RAD52: variants seen among roughly 807,000 people sequenced by gnomAD.
RAD52 encodes DNA repair protein RAD52 homolog.
A neutral mutation model predicts 55.5 loss-of-function variants in RAD52; 47 were observed. That is an observed-to-expected ratio of 0.85 (90% CI 0.67 to 1.08). The LOEUF is 1.08. RAD52 is among the 50% of genes least tolerant of loss of function. The pLI, the probability that RAD52 is intolerant of heterozygous loss-of-function variation, is 0.00. For missense variants in RAD52, 468 were observed against 522.8 expected, an observed-to-expected ratio of 0.90 and a Z score of 1.02; for synonymous variants, 184 against 198.9, an observed-to-expected ratio of 0.92 and a Z score of 0.63.
chr12:988,110 A>C (rs977831381), intron 1 of RAD52, among the ~76,000 whole-genome samples: 1 of 152,160 alleles, frequency 6.6e-6, no homozygotes, highest in Non-Finnish European at 1.5e-5. Flanking sequence ...ATAGCTAGGA[A>C]CACAGGTGCG....
In RAD52 at chr12:916,791, C is replaced by A. The variant is rs1027580018; in HGVS notation, c.573G>T (p.Ala191=). The change falls in exon 8 of 12, where the codon GCG becomes GCT. Residue 191 remains alanine, a synonymous_variant. Coordinates refer to ENST00000358495, the MANE Select transcript of RAD52 (RefSeq NM_134424.4). ...QLPLEVDLTK[A]KRQDLEPSVE... Reference sequence around the variant, plus strand: ...CAGACGGTTCAAGATCTTGTCTCTTCGCTTTAGTTAAATCCACTTCAAGAG... The same window carrying A: ...CAGACGGTTCAAGATCTTGTCTCTTAGCTTTAGTTAAATCCACTTCAAGAG... 6.2e-7 allele frequency: 1 copy of A among 1,611,904 alleles called. No individual in the cohort carries two copies.
At chr12:949,817 C>CAAAGCCTTCTGCGGCAGCCGT (rs1356416495), upstream of RAD52, 2 of 152,170 alleles carry the variant, frequency 1.3e-5, no homozygotes, top group African/African-American at 4.8e-5. Flanking sequence ...AAAAGAGCCG[C>CAAAGCCTTCTGCGGCAGCCGT]AAAGCCTTCT....
In RAD52 at chr12:914,447, C is replaced by G; in HGVS notation, c.951G>C (p.Val317=). 1 of 1,613,930 alleles carries G rather than the reference C, an allele frequency of 6.2e-7. No homozygotes were observed. The highest frequency in any genetic ancestry group is 1.1e-5 in the South Asian group (1 of 91,050). ...PLLEKDFLAG[V]TQELIKTLED... Reference sequence around the variant, plus strand: ...GGTATTTACTGATTAATTCTTGAGTCACTCCTGCAAGGAAGTCTTTCTCCA... The same window carrying G: ...GGTATTTACTGATTAATTCTTGAGTGACTCCTGCAAGGAAGTCTTTCTCCA... The change falls in exon 10 of 12, where the codon GTG becomes GTC. Residue 317 remains valine, a synonymous_variant. Transcript: ENST00000358495.
chr12:988,875 A>G (rs937511809), intron 1 of RAD52, among the ~76,000 whole-genome samples: 1 of 151,484 alleles, frequency 6.6e-6, no homozygotes, highest in Non-Finnish European at 1.5e-5. Flanking sequence ...TCCCAATACT[A>G]TCACACTGGG....
Position 924,388 on chromosome 12 carries a change from C to T in RAD52, c.543+1062G>A, listed in dbSNP as rs141387271. Reference sequence around the variant, plus strand: ...TCACACCACTGCACTTCAGCCTGGGCGACAGAGCGAGACTCCGTCTCAAAA... The same window carrying T: ...TCACACCACTGCACTTCAGCCTGGGTGACAGAGCGAGACTCCGTCTCAAAA... On this transcript the variant is annotated intron_variant, in intron 7 of 11. Transcript: ENST00000358495. 6.8e-3 allele frequency among the ~76,000 whole-genome samples: 1,027 copies of T among 152,104 alleles called. 9 individuals are homozygous for T. The highest frequency in any genetic ancestry group is 0.024 in the African/African-American group (976 of 41,496).
At position 925,437 on chromosome 12, in the gene RAD52, A is replaced by G; in HGVS notation, c.543+13T>C. ...CGCATTATCTTCACTCCACTCATCC[A>G]TGTCTGATATACCTGGCGTGGAAGC... On this transcript the variant is annotated intron_variant, in intron 7 of 11. Transcript: ENST00000358495. 1 of 1,606,834 alleles carries G rather than the reference A, an allele frequency of 6.2e-7. No homozygotes were observed. The highest frequency in any genetic ancestry group is 8.5e-7 in the Non-Finnish European group (1 of 1,173,436).
chr12:915,341 C>G (rs1057473531), intron 9 of RAD52, among the ~76,000 whole-genome samples: 4 of 152,148 alleles, frequency 2.6e-5, no homozygotes, highest in African/African-American at 9.7e-5. Context: ...GGAAGTGGTT[C>G]TGTTTTGGTT....
At chr12:940,900 G>C (rs190881466) in intron 1 of RAD52, among the ~76,000 whole-genome samples, 67 of 152,224 alleles carry the variant, frequency 4.4e-4, no homozygotes, top group African/African-American at 1.6e-3. Flanking sequence ...TCAGGATCCT[G>C]TGGGCTAATA....
chr12:916,938 C>T lies in RAD52; in HGVS notation c.544-118G>A, dbSNP rs1267627638. On this transcript the variant is annotated intron_variant, in intron 7 of 11. Coordinates refer to ENST00000358495, the MANE Select transcript of RAD52 (RefSeq NM_134424.4). ...CATTTGACATCCTCCATCCATCACG[C>T]CTTCTAGGTCCTGTAACTCCATGAG... 6.7e-6 allele frequency: 9 copies of T among 1,352,006 alleles called. No homozygotes were observed. The East Asian group carries it at 1.5e-4, about 22-fold the overall frequency. The allele number at this position is 1,352,006 out of a possible 1,614,324, so 83.8% of individuals were successfully genotyped here.
intron 1 of RAD52, among the ~76,000 whole-genome samples, chr12:965,612 C>T (rs1253812725): frequency 6.6e-6 from 1 of 151,978 alleles, no homozygotes; most frequent in African/African-American, 2.4e-5. Flanking sequence ...CTTATATTTA[C>T]ATTTGAACAG....
rs541699135 is a variant in RAD52 at position 988,493 on chromosome 12, C to T, written c.-19+1316G>A. 3.3e-5 allele frequency among the ~76,000 whole-genome samples: 5 copies of T among 152,220 alleles called. No individual in the cohort carries two copies. The East Asian group carries it at 9.6e-4, about 29-fold the overall frequency. ...TTGTGAACTTGGGAGGTGTCTTAGTCTATTTTATGTTGCTATAAAGGCATG... is the reference window on the plus strand; with the variant it reads ...TTGTGAACTTGGGAGGTGTCTTAGTTTATTTTATGTTGCTATAAAGGCATG... On this transcript the variant is annotated intron_variant, in intron 1 of 11. Coordinates refer to the RAD52 transcript ENST00000430095.
intron 1 of RAD52, among the ~76,000 whole-genome samples, chr12:945,579 A>T (rs570575227): frequency 1.3e-3 from 198 of 151,198 alleles, no homozygotes; most frequent in African/African-American, 4.5e-3. Context: ...AACTACAGGC[A>T]TGCGCGACCA....
chr12:973,111 C>T (rs1958887686), intron 1 of RAD52, among the ~76,000 whole-genome samples: 1 of 152,092 alleles, frequency 6.6e-6, no homozygotes, highest in Non-Finnish European at 1.5e-5. Context: ...GCTCTGTCGC[C>T]CAGGCTGGAG....
chr12:966,040 G>A (rs988433954), intron 1 of RAD52, among the ~76,000 whole-genome samples: 16 of 151,984 alleles, frequency 1.1e-4, no homozygotes, highest in South Asian at 2.1e-4. Flanking sequence ...GCAGTGGCAC[G>A]ATCATGGCTC....
At position 925,477 on chromosome 12, in the gene RAD52, C is replaced by T. The variant is rs1956983778; in HGVS notation, c.516G>A (p.Leu172=). 1 of 1,614,054 alleles carries T rather than the reference C, an allele frequency of 6.2e-7. No individual in the cohort carries two copies. ...LGNCILDKDY[L]RSLNKLPRQL... is the part of the protein sequence containing the mutation. ...GGCGTGGAAGCTTATTTAGTGATCT[C>T]AGGTAGTCTTTGTCCAGAATACAGT... is the stretch of plus-strand genomic sequence containing the variant. Residue 172 remains leucine, a synonymous_variant, in exon 7 of 12, where the codon CTG becomes CTA. Transcript: ENST00000358495.
intron 1 of RAD52, among the ~76,000 whole-genome samples, chr12:946,855 C>A (rs1192021135): frequency 2.0e-5 from 3 of 152,212 alleles, no homozygotes; most frequent in Non-Finnish European, 4.4e-5. Context: ...ATTTTTCATA[C>A]ACTCATCTCC....
chr12:929,841 GCA>G lies in RAD52; in HGVS notation c.324_325del (p.Ala109IlefsTer13). On this transcript the variant is annotated frameshift_variant, in exon 5 of 12. Coordinates refer to ENST00000358495, the MANE Select transcript of RAD52 (RefSeq NM_134424.4). LOFTEE classifies it high-confidence loss of function. ...CACCTTCAGCTGGACCCTCACAAATGCACAGACTCCCACGTAGAACTTGCCAT... is the reference window on the plus strand; with the variant it reads ...CACCTTCAGCTGGACCCTCACAAATGCAGACTCCCACGTAGAACTTGCCAT... The G allele has an allele frequency of 1.9e-6, 3 of 1,613,932 alleles. No individual in the cohort carries two copies. Among genetic ancestry groups the G allele is most frequent in the Non-Finnish European group, 2.5e-6 (3 of 1,179,888 alleles).
chr12:922,204 A>AAAAC (rs1555170836), intron 7 of RAD52, among the ~76,000 whole-genome samples: 2 of 113,410 alleles, frequency 1.8e-5, no homozygotes, highest in Non-Finnish European at 4.2e-5. Context: ...AAAAAAAAAA[A>AAAAC]AAAAAAAAAC....
intron 7 of RAD52, among the ~76,000 whole-genome samples, chr12:923,222 T>TA (rs36095351): frequency 0.14 from 20,006 of 144,858 alleles, 1,559 homozygotes; most frequent in Middle Eastern, 0.23. Flanking sequence ...ACTCACCTCT[T>TA]AAAAAAAAAA....
Sources: gnomAD v4.1 joint callset for allele counts (sites outside exome capture counted in the v4.1 genomes callset) on GRCh38, gnomAD v4.1.1 for gene constraint, MANE v1.5 for transcripts, NCBI Gene and HGNC (gene_info 2026-07-23, HGNC 2026-07-21) for gene names.